MCUB: variants seen among roughly 807,000 people sequenced by gnomAD.
MCUB encodes the protein mitochondrial calcium uniporter dominant negative subunit beta.
Under a neutral mutation model 41.4 loss-of-function variants are expected in MCUB, and 46 were observed. The ratio of observed to expected loss-of-function variants is 1.11; its 90% CI spans 0.88 to 1.42. MCUB has a LOEUF of 1.42. Among genes scored for constraint, MCUB ranks in the 40% most tolerant of loss-of-function variants. MCUB has a pLI of 0.00. For synonymous variants in MCUB, 148 were observed against 148.2 expected (o/e 1.00, Z 0.01); for missense variants, 403 against 404.9 (o/e 1.00, Z 0.04).
intron 1 of MCUB, among the ~76,000 whole-genome samples, chr4:109,634,471 G>T (rs1728545292): frequency 7.3e-6 from 1 of 136,458 alleles, no homozygotes; most frequent in African/African-American, 2.8e-5. Context: ...CAACAAGAGC[G>T]AAACTCTGTC....
chr4:109,682,487 G>C (rs2126152154), intron 4 of MCUB, 95 bp from the exon 5 acceptor site: 3 of 992,272 alleles, frequency 3.0e-6, no homozygotes, highest in Non-Finnish European at 4.6e-6. Context: ...TGGATCCTAA[G>C]ATAATATTTG....
intron 7 of MCUB, among the ~76,000 whole-genome samples, chr4:109,686,738 T>A (rs527545138): frequency 6.6e-6 from 1 of 152,170 alleles, no homozygotes; most frequent in African/African-American, 2.4e-5. Flanking sequence ...TAGCTGGACA[T>A]GGTGGCACAT....
At chr4:109,665,678 G>A (rs4698745) in intron 4 of MCUB, among the ~76,000 whole-genome samples, 91,904 of 152,002 alleles carry the variant, frequency 0.6, 28,140 homozygotes, top group South Asian at 0.68. Flanking sequence ...TGTTGTTGTT[G>A]TATTGTTAAT....
At chr4:109,661,513 C>A (rs771226338) in intron 3 of MCUB, among the ~76,000 whole-genome samples, 1 of 151,970 alleles carries the variant, frequency 6.6e-6, no homozygotes, top group South Asian at 2.1e-4. Flanking sequence ...CTGTTCTATA[C>A]GCTAGAGGTA....
intron 1 of MCUB, among the ~76,000 whole-genome samples, chr4:109,615,405 AT>A (rs1352281924): frequency 2.2e-3 from 313 of 141,672 alleles, no homozygotes; most frequent in Admixed American, 2.5e-3. Context: ...ATAGATGTGA[AT>A]TTTTTTTTTT....
At chr4:109,566,050 C>T (rs1370111577) in intron 1 of MCUB, among the ~76,000 whole-genome samples, 1 of 151,598 alleles carries the variant, frequency 6.6e-6, no homozygotes, top group Non-Finnish European at 1.5e-5. Flanking sequence ...GAGACAAGGT[C>T]TCACTATGTT....
chr4:109,562,138 T>C (rs980395343), intron 1 of MCUB, among the ~76,000 whole-genome samples: 1 of 152,168 alleles, frequency 6.6e-6, no homozygotes, highest in African/African-American at 2.4e-5. Context: ...AATTATCACC[T>C]GCAAATCCTT....
At chr4:109,676,330 G>C (rs573727706) in intron 4 of MCUB, among the ~76,000 whole-genome samples, 17 of 152,256 alleles carry the variant, frequency 1.1e-4, no homozygotes, top group African/African-American at 3.1e-4. Context: ...CTTGAGGTCA[G>C]GAGTTTGAGA....
At chr4:109,630,408 G>T (rs1728449043) in intron 1 of MCUB, among the ~76,000 whole-genome samples, 1 of 152,134 alleles carries the variant, frequency 6.6e-6, no homozygotes, top group African/African-American at 2.4e-5. Context: ...GCTGCAGTGA[G>T]CTATGATCAT....
intron 1 of MCUB, among the ~76,000 whole-genome samples, chr4:109,656,599 G>A (rs1029963947): frequency 1.3e-5 from 2 of 151,738 alleles, no homozygotes; most frequent in East Asian, 3.9e-4. Context: ...TCAAACTTCT[G>A]GGCTCAAGCA....
intron 1 of MCUB, among the ~76,000 whole-genome samples, chr4:109,594,453 G>A (rs1196260843): frequency 6.6e-6 from 1 of 152,124 alleles, no homozygotes; most frequent in African/African-American, 2.4e-5. Context: ...TAAAAACAGG[G>A]AGGACCAGCC....
chr4:109,578,623 C>T (rs1245042475), intron 1 of MCUB, among the ~76,000 whole-genome samples: 1 of 152,148 alleles, frequency 6.6e-6, no homozygotes, highest in South Asian at 2.1e-4. Context: ...CCTCAGTCTC[C>T]CAGATAGCTG....
At chr4:109,660,446 G>C (rs1330741979) in intron 3 of MCUB, 81 bp downstream of exon 3, 1 of 679,174 alleles carries the variant, frequency 1.5e-6, no homozygotes, top group East Asian at 2.8e-5. Flanking sequence ...TACTTTTCTA[G>C]AAGTACATTG....
chr4:109,642,223 G>T (rs986456160), intron 1 of MCUB, among the ~76,000 whole-genome samples: 1 of 152,036 alleles, frequency 6.6e-6, no homozygotes, highest in Non-Finnish European at 1.5e-5. Flanking sequence ...TTCTTACCCG[G>T]GTTTCAGCTT....
At chr4:109,570,763 G>A (rs768606627) in intron 1 of MCUB, among the ~76,000 whole-genome samples, 18 of 152,218 alleles carry the variant, frequency 1.2e-4, no homozygotes, top group African/African-American at 1.4e-4. Flanking sequence ...AGATAAGTAC[G>A]TTAATAAGGA....
At chr4:109,657,297 G>T (rs1324645744) in intron 1 of MCUB, among the ~76,000 whole-genome samples, 2 of 150,912 alleles carry the variant, frequency 1.3e-5, no homozygotes, top group Non-Finnish European at 2.9e-5. Flanking sequence ...GACATTTATT[G>T]CCTATGTTGT....
chr4:109,650,342 A>T (rs1361787114), intron 1 of MCUB, among the ~76,000 whole-genome samples: 1 of 152,114 alleles, frequency 6.6e-6, no homozygotes, highest in Non-Finnish European at 1.5e-5. Flanking sequence ...AAAATTTTTT[A>T]TTTTCAATTT....
At position 109,597,907 on chromosome 4, in the gene MCUB, C is replaced by T. The variant is rs538880420; in HGVS notation, c.99+37471C>T. On this transcript the variant is annotated intron_variant, in intron 1 of 7. Coordinates refer to ENST00000394650, the MANE Select transcript of MCUB (RefSeq NM_017918.5). ...GTGGCTGGGCAGAGACGCTCCTCAC[C>T]TCCCAGACGGGGTCGCGGCCGGGCA... Among the ~76,000 whole-genome samples, 7 of 148,130 alleles carry T rather than the reference C, an allele frequency of 4.7e-5. No individual in the cohort carries two copies. The South Asian group carries it at 6.5e-4, about 14-fold the overall frequency.
At chr4:109,632,668 T>A (rs1299165474) in intron 1 of MCUB, among the ~76,000 whole-genome samples, 2 of 144,882 alleles carry the variant, frequency 1.4e-5, no homozygotes, top group Non-Finnish European at 3.0e-5. Flanking sequence ...CAGGCTGGAG[T>A]GCAATGGCGC....
Sources: gnomAD v4.1 joint callset for allele counts (sites outside exome capture counted in the v4.1 genomes callset) on GRCh38, gnomAD v4.1.1 for gene constraint, MANE v1.5 for transcripts, NCBI Gene and HGNC (gene_info 2026-07-23, HGNC 2026-07-21) for gene names.